Variants in LACTBL1 observed in about 807,000 individuals in gnomAD.
The protein encoded by LACTBL1 is beta-lactamase-like protein 1.
In LACTBL1, 29 loss-of-function variants were observed where a neutral mutation model predicts 39.6. That is an observed-to-expected ratio of 0.73 (90% confidence interval 0.55 to 1.00). The LOEUF is 1.00. Ranked by LOEUF, LACTBL1 falls within the 50% of genes least tolerant of loss-of-function variation. The pLI is 0.00. For synonymous variants in LACTBL1, 361 were observed against 360.7 expected, an observed-to-expected ratio of 1.00 and a Z score of -0.01; for missense variants, 711 against 748.5, an observed-to-expected ratio of 0.95 and a Z score of 0.59.
chr1:22,960,441 C>T (rs192586373), intron 2 of LACTBL1, among the ~76,000 whole-genome samples: 7 of 151,904 alleles, frequency 4.6e-5, no homozygotes, highest in African/African-American at 1.4e-4. Flanking sequence ...CATGGTGAAA[C>T]CCTGTCTCTA....
At chr1:22,971,152 A>T in the LACTBL1 span, among the ~76,000 whole-genome samples, 2 of 152,168 alleles carry the variant, frequency 1.3e-5, no homozygotes, top group Non-Finnish European at 2.9e-5. Context: ...AGAGGCATTA[A>T]TTGACTTGCT....
exon 6 of LACTBL1, chr1:22,953,629 T>C: frequency 1.6e-6 from 2 of 1,265,882 alleles, no homozygotes; most frequent in Non-Finnish European, 2.0e-6. Context: ...CCGCTGCGCG[T>C]GGAACTCCCA....
At chr1:22,956,520 A>C (rs1640763903) in intron 4 of LACTBL1, among the ~76,000 whole-genome samples, 1 of 152,086 alleles carries the variant, frequency 6.6e-6, no homozygotes, top group South Asian at 2.1e-4. Context: ...AGGGATTCCT[A>C]CCTTTTGGAG....
chr1:22,954,362 G>A (rs1220024205), intron 5 of LACTBL1, among the ~76,000 whole-genome samples: 1 of 152,144 alleles, frequency 6.6e-6, no homozygotes, highest in Non-Finnish European at 1.5e-5. Flanking sequence ...AAAATTAAAG[G>A]CTTACACTGC....
exon 5 of LACTBL1, chr1:22,955,322 T>C: frequency 6.5e-7 from 1 of 1,550,240 alleles, no homozygotes; most frequent in Non-Finnish European, 8.7e-7. Context: ...GCTCCTCACC[T>C]GGTTCCCGGG....
intron 4 of LACTBL1, among the ~76,000 whole-genome samples, chr1:22,957,796 G>C (rs556656218): frequency 6.6e-6 from 1 of 151,730 alleles, no homozygotes; most frequent in South Asian, 2.1e-4. Context: ...GATTACAGGC[G>C]CAAGCCACCA....
intron 2 of LACTBL1, among the ~76,000 whole-genome samples, chr1:22,962,087 T>G (rs7543064): frequency 0.25 from 37,718 of 152,006 alleles, 5,264 homozygotes; most frequent in African/African-American, 0.35. Context: ...TCTCTATAGA[T>G]AGGGACTCAT....
At chr1:22,966,502 A>T (rs1557436673), upstream of LACTBL1, among the ~76,000 whole-genome samples, 1 of 152,192 alleles carries the variant, frequency 6.6e-6, no homozygotes, top group African/African-American at 2.4e-5. Flanking sequence ...ATGAAAGGAG[A>T]CATCACTACA....
At chr1:22,972,447 G>A in the LACTBL1 span, 1 of 985,144 alleles carries the variant, frequency 1.0e-6, no homozygotes. Context: ...AAAAGAGGAG[G>A]GGGACAGAGA....
intron 3 of LACTBL1, among the ~76,000 whole-genome samples, chr1:22,959,632 G>A (rs1012636089): frequency 2.6e-5 from 4 of 152,208 alleles, no homozygotes; most frequent in African/African-American, 9.6e-5. Flanking sequence ...GTTCCTTTGT[G>A]GCACATGGTC....
chr1:22,954,087 T>A, intron 5 of LACTBL1, 63 bp from the exon 8 acceptor site: 1 of 1,457,022 alleles, frequency 6.9e-7, no homozygotes, highest in Admixed American at 2.6e-5. Flanking sequence ...CTGTCTGAAA[T>A]GCCACCAGTT....
exon 6 of LACTBL1, chr1:22,953,346 C>G (rs1185018770): frequency 8.1e-7 from 1 of 1,229,018 alleles, no homozygotes; most frequent in African/African-American, 1.6e-5. Context: ...CGCCCGCCGG[C>G]CCGGCGCGCA....
the LACTBL1 span, chr1:22,972,450 G>C: frequency 1.0e-6 from 1 of 985,104 alleles, no homozygotes; most frequent in Non-Finnish European, 1.2e-6. Context: ...AGAGGAGGGG[G>C]ACAGAGAAAA....
chr1:22,964,497 G>A (rs1640858139), intron 1 of LACTBL1, among the ~76,000 whole-genome samples: 1 of 152,220 alleles, frequency 6.6e-6, no homozygotes, highest in Non-Finnish European at 1.5e-5. Flanking sequence ...GAGAGCCCAA[G>A]CTAGACCAGC....
intron 4 of LACTBL1, among the ~76,000 whole-genome samples, chr1:22,957,841 A>G (rs1179432715): frequency 3.3e-5 from 5 of 151,510 alleles, no homozygotes; most frequent in Non-Finnish European, 7.4e-5. Context: ...TAGTAGAGAC[A>G]GCGTTTCACC....
chr1:22,970,795 G>T, the LACTBL1 span, among the ~76,000 whole-genome samples: 2 of 134,326 alleles, frequency 1.5e-5, no homozygotes, highest in Non-Finnish European at 3.1e-5. Flanking sequence ...GGGCAACAGC[G>T]CAAGACCCTG....
chr1:22,959,845 C>A, intron 3 of LACTBL1, 97 bp downstream of exon 5: 1 of 1,390,462 alleles, frequency 7.2e-7, no homozygotes, highest in Admixed American at 2.2e-5. Context: ...CAGATTAGAC[C>A]CCAGCCATGA....
chr1:22,956,212 AAAAT>A (rs1426643359), intron 4 of LACTBL1, among the ~76,000 whole-genome samples: 3 of 152,102 alleles, frequency 2.0e-5, no homozygotes, highest in African/African-American at 7.2e-5. Context: ...ATGTCTACAA[AAAAT>A]AAATAATTAG....
At chr1:22,971,520 G>A in the LACTBL1 span, among the ~76,000 whole-genome samples, 17 of 152,004 alleles carry the variant, frequency 1.1e-4, no homozygotes, top group African/African-American at 3.6e-4. Flanking sequence ...CCCAACCCCT[G>A]CTCCTTCTCA....
Sources: gnomAD v4.1 joint callset for allele counts (sites outside exome capture counted in the v4.1 genomes callset) on GRCh38, gnomAD v4.1.1 for gene constraint, MANE v1.5 for transcripts, NCBI Gene and HGNC (gene_info 2026-07-23, HGNC 2026-07-21) for gene names.